Variants in RASGRP3 observed in about 807,000 individuals in gnomAD.
The protein encoded by RASGRP3 is ras guanyl-releasing protein 3.
RASGRP3 carries 54 observed loss-of-function variants against 82.7 expected under a neutral mutation model. The observed-to-expected ratio is 0.65, with a 90% CI of 0.52 to 0.82. RASGRP3 has a LOEUF of 0.82. Ranked by LOEUF, RASGRP3 falls within the 40% of genes least tolerant of loss-of-function variation. The pLI, the probability that RASGRP3 is intolerant of heterozygous loss-of-function variation, is 0.00. For synonymous variants in RASGRP3, 309 were observed against 300.5 expected, an observed-to-expected ratio of 1.03 and a Z score of -0.29; for missense variants, 861 against 828.9, an observed-to-expected ratio of 1.04 and a Z score of -0.48.
chr2:33,464,748 T>A (rs1666590401), intron 2 of RASGRP3, among the ~76,000 whole-genome samples: 2 of 152,184 alleles, frequency 1.3e-5, no homozygotes, highest in South Asian at 4.1e-4. Flanking sequence ...AAGTATTAAA[T>A]GTGTGAGCCA....
chr2:33,536,207 C>T (rs13015278), intron 11 of RASGRP3, among the ~76,000 whole-genome samples: 50,423 of 149,858 alleles, frequency 0.34, 9,431 homozygotes, highest in Middle Eastern at 0.5. Flanking sequence ...GAGGCTGAGG[C>T]GGGAGGATCA....
At chr2:33,538,301 G>A (rs940176019) in intron 11 of RASGRP3, among the ~76,000 whole-genome samples, 1 of 151,964 alleles carries the variant, frequency 6.6e-6, no homozygotes, top group Non-Finnish European at 1.5e-5. Context: ...TCAGGAGTTC[G>A]AGACCAGCCT....
intron 17 of RASGRP3, among the ~76,000 whole-genome samples, chr2:33,559,389 C>T (rs948896837): frequency 1.3e-5 from 2 of 152,104 alleles, no homozygotes; most frequent in African/African-American, 4.8e-5. Context: ...AACCAGGGCC[C>T]AGACTCAAGA....
chr2:33,528,539 G>A (rs1335092108), intron 10 of RASGRP3, among the ~76,000 whole-genome samples: 1 of 152,184 alleles, frequency 6.6e-6, no homozygotes, highest in African/African-American at 2.4e-5. Context: ...CTGAAACTCA[G>A]CTGCAATACT....
At chr2:33,481,052 G>A (rs1372715690) in intron 1 of RASGRP3, 2 of 152,258 alleles carry the variant, frequency 1.3e-5, no homozygotes, top group African/African-American at 2.4e-5. Flanking sequence ...GAGAGAAAAT[G>A]AGTGACTTGT....
Position 33,520,483 on chromosome 2 carries a change from C to T in RASGRP3, c.237-70C>T, listed in dbSNP as rs79105708. On this transcript the variant is annotated intron_variant, in intron 5 of 17. Transcript: ENST00000403687. ...TTGGTGTTAAATGTAGTCTGTAAAA[C>T]GGTACAATCGTTTCCATAGATAACC... is the stretch of plus-strand genomic sequence containing the variant. The T allele has an allele frequency of 3.5e-4, 552 of 1,576,898 alleles. 1 individual carries two copies. In the African/African-American group the frequency reaches 6.3e-3, roughly 18 times the overall value.
chr2:33,545,833 C>G (rs1484675989), intron 13 of RASGRP3, among the ~76,000 whole-genome samples: 1 of 152,070 alleles, frequency 6.6e-6, no homozygotes, highest in African/African-American at 2.4e-5. Context: ...GAGACAGAGT[C>G]TCGTTCTTTT....
upstream of RASGRP3, among the ~76,000 whole-genome samples, chr2:33,473,423 A>G (rs930159432): frequency 1.3e-5 from 2 of 152,156 alleles, no homozygotes; most frequent in African/African-American, 4.8e-5. Context: ...TTGTTAGGAT[A>G]TAAAGACAAT....
chr2:33,447,727 T>C lies in RASGRP3; in HGVS notation c.-384-93T>C, dbSNP rs572735623. The stretch of plus-strand genomic sequence containing the variant: ...GGCGTGAGCCACCGCACCCGGCCCA[T>C]GTCTGTGTTTTCTATCTGAAACTGT... On this transcript the variant is annotated intron_variant, in intron 1 of 18. Coordinates refer to the RASGRP3 transcript ENST00000402538. 4 of 152,314 alleles carry C rather than the reference T, an allele frequency of 2.6e-5. No individual in the cohort carries two copies. In the South Asian group the frequency reaches 8.3e-4, roughly 32 times the overall value. The allele number at this position is 152,314 out of a possible 1,614,324, so 9.4% of individuals were successfully genotyped here. A position where few individuals can be genotyped will look rare whatever the true frequency, so the allele number is the denominator to read the frequency against.
At chr2:33,538,174 G>A (rs1421147425) in intron 11 of RASGRP3, among the ~76,000 whole-genome samples, 1 of 152,154 alleles carries the variant, frequency 6.6e-6, no homozygotes, top group Non-Finnish European at 1.5e-5. Context: ...ATTTTTGGAT[G>A]GACTGGGAGC....
At chr2:33,542,274 G>A (rs1302886920) in intron 12 of RASGRP3, among the ~76,000 whole-genome samples, 1 of 146,506 alleles carries the variant, frequency 6.8e-6, no homozygotes, top group Non-Finnish European at 1.5e-5. Context: ...ACATACATGG[G>A]TTTGTTTCAG....
Position 33,524,473 on chromosome 2 carries a change from G to A in RASGRP3, c.732G>A (p.Val244=). The stretch of plus-strand genomic sequence containing the variant: ...AAAATTTTAACACCCTGATGGCAGT[G>A]GTGGGAGGCCTCAGTCATAGTTCCA... ...QLKNFNTLMA[V]VGGLSHSSIS... is the part of the protein sequence containing the mutation. The change falls in exon 9 of 18, where the codon GTG becomes GTA. Residue 244 remains valine, a synonymous_variant. Coordinates refer to ENST00000403687, the MANE Select transcript of RASGRP3 (RefSeq NM_001139488.2). 6.2e-7 allele frequency: 1 copy of A among 1,606,004 alleles called. No homozygotes were observed. Among genetic ancestry groups the A allele is most frequent in the Non-Finnish European group, 8.5e-7 (1 of 1,176,110 alleles).
chr2:33,459,422 C>G (rs1042968343), intron 2 of RASGRP3, among the ~76,000 whole-genome samples: 9 of 152,370 alleles, frequency 5.9e-5, no homozygotes, highest in Admixed American at 3.3e-4. Context: ...GCGTGAGCCA[C>G]TGCACCCAGC....
chr2:33,528,299 G>A (rs11687036), intron 10 of RASGRP3, among the ~76,000 whole-genome samples: 60,338 of 152,038 alleles, frequency 0.4, 12,506 homozygotes, highest in East Asian at 0.6. Context: ...GAATGATGTG[G>A]CTTAGACAAA....
chr2:33,551,029 T>C (rs1470214312), intron 14 of RASGRP3, among the ~76,000 whole-genome samples: 1 of 152,070 alleles, frequency 6.6e-6, no homozygotes, highest in Non-Finnish European at 1.5e-5. Context: ...AAACAAATGG[T>C]TGGCCAGGCG....
At chr2:33,443,397 C>G (rs1000642933) in intron 1 of RASGRP3, among the ~76,000 whole-genome samples, 1 of 152,066 alleles carries the variant, frequency 6.6e-6, no homozygotes, top group African/African-American at 2.4e-5. Flanking sequence ...TTTCTCTTAG[C>G]GGCCTGTGTT....
chr2:33,551,563 G>A (rs1207401609), intron 14 of RASGRP3, among the ~76,000 whole-genome samples: 1 of 151,880 alleles, frequency 6.6e-6, no homozygotes, highest in African/African-American at 2.4e-5. Context: ...GGTCCCGGGT[G>A]CTGTGGCATG....
rs1318191313 is a variant in RASGRP3, at chr2:33,564,677, G to GTGAT, written c.*1941_*1944dup. The stretch of plus-strand genomic sequence containing the variant: ...GAAGTTTTATATTGCCAGCCTTCCT[G>GTGAT]TGATAAAGATATTAAATGTAACTTG... On this transcript the variant is annotated 3_prime_UTR_variant, in exon 18 of 18. Transcript: ENST00000403687. 6.6e-6 allele frequency: 1 copy of GTGAT among 152,058 alleles called. No homozygotes were observed. The highest frequency in any genetic ancestry group is 6.6e-5 in the Admixed American group (1 of 15,248). 9.4% of individuals were successfully genotyped at this position (152,058 alleles called of 1,614,324 possible).
chr2:33,493,702 T>A (rs1014744657), intron 1 of RASGRP3, among the ~76,000 whole-genome samples: 1 of 151,974 alleles, frequency 6.6e-6, no homozygotes, highest in Non-Finnish European at 1.5e-5. Flanking sequence ...AGCCAGGGAT[T>A]AGAGCTTTTT....
Sources: gnomAD v4.1 joint callset for allele counts (sites outside exome capture counted in the v4.1 genomes callset) on GRCh38, gnomAD v4.1.1 for gene constraint, MANE v1.5 for transcripts, NCBI Gene and HGNC (gene_info 2026-07-23, HGNC 2026-07-21) for gene names.